GIGYF2: variants seen among roughly 807,000 people sequenced by gnomAD.
GIGYF2 encodes GRB10 interacting GYF protein 2, also known as GRB10-interacting GYF protein 2.
A neutral mutation model predicts 208.1 loss-of-function variants in GIGYF2; 25 were observed. That is an observed-to-expected ratio of 0.12 (90% CI 0.09 to 0.17). GIGYF2 has a LOEUF of 0.17. Among genes scored for constraint, GIGYF2 ranks in the 10% least tolerant of loss-of-function variants. The pLI is 1.00. For synonymous variants in GIGYF2, 534 were observed against 543.8 expected (o/e 0.98, Z 0.25); for missense variants, 1,302 against 1,579.4 (o/e 0.82, Z 2.98).
At position 232,708,753 on chromosome 2, in the gene GIGYF2, C is replaced by G. The variant is rs904618145; in HGVS notation, c.-44+5264C>G. On this transcript the variant is annotated intron_variant, in intron 2 of 28. Coordinates refer to ENST00000373563, the MANE Select transcript of GIGYF2 (RefSeq NM_001103146.3). Reference sequence around the variant, plus strand: ...ACTACAGCCTCACTGCAGCCTCTGCCTCCCAGGCTCAAGTGATCCTCCCAT... The same window carrying G: ...ACTACAGCCTCACTGCAGCCTCTGCGTCCCAGGCTCAAGTGATCCTCCCAT... Among the ~76,000 whole-genome samples, 11 of 151,404 alleles carry G rather than the reference C, an allele frequency of 7.3e-5. 1 individual carries two copies. The highest frequency in any genetic ancestry group is 1.0e-4 in the Non-Finnish European group (7 of 67,948).
intron 8 of GIGYF2, among the ~76,000 whole-genome samples, chr2:232,777,741 A>G (rs1232411587): frequency 6.6e-6 from 1 of 152,026 alleles, no homozygotes; most frequent in African/African-American, 2.4e-5. Context: ...AAGGTAAAGT[A>G]TAAAGAAGGA....
intron 5 of GIGYF2, 79 bp from the exon 6 acceptor site, chr2:232,756,144 C>G (rs891657172): frequency 1.3e-6 from 1 of 790,630 alleles, no homozygotes; most frequent in African/African-American, 1.8e-5. Flanking sequence ...GGAGAAGCAA[C>G]ATGTAGTTTT....
intron 21 of GIGYF2, among the ~76,000 whole-genome samples, chr2:232,823,832 C>T (rs35491427): frequency 0.28 from 42,488 of 152,160 alleles, 6,668 homozygotes; most frequent in Non-Finnish European, 0.36. Flanking sequence ...GTGCTTTGCA[C>T]GTATTTCATT....
intron 2 of GIGYF2, among the ~76,000 whole-genome samples, chr2:232,727,678 C>A (rs1697266636): frequency 6.6e-6 from 1 of 152,152 alleles, no homozygotes; most frequent in Non-Finnish European, 1.5e-5. Context: ...TCTCTTTCTT[C>A]CTGTATCAGC....
chr2:232,755,864 C>T (rs184311206), intron 5 of GIGYF2, among the ~76,000 whole-genome samples: 163 of 152,276 alleles, frequency 1.1e-3, no homozygotes, highest in Non-Finnish European at 1.8e-3. Flanking sequence ...CCTTTCAAAC[C>T]AGATCTCTTT....
At chr2:232,805,343 TTC>T (rs1700528087) in intron 14 of GIGYF2, among the ~76,000 whole-genome samples, 1 of 152,164 alleles carries the variant, frequency 6.6e-6, no homozygotes, top group South Asian at 2.1e-4. Context: ...TTTTTTTCAG[TTC>T]TGTCAGATCC....
intron 2 of GIGYF2, among the ~76,000 whole-genome samples, chr2:232,706,955 A>G (rs1696144530): frequency 6.6e-6 from 1 of 151,610 alleles, no homozygotes; most frequent in Admixed American, 6.6e-5. Context: ...CAAAAAAAAA[A>G]AAAAAAAAAA....
chr2:232,813,187 C>CT (rs894736273), intron 18 of GIGYF2, among the ~76,000 whole-genome samples: 7,660 of 123,870 alleles, frequency 0.062, 394 homozygotes, highest in African/African-American at 0.13. Flanking sequence ...TCTTTGCTTT[C>CT]TTTTTTTTTT....
chr2:232,734,109 CTTTTTTT>C (rs35593823), intron 2 of GIGYF2, among the ~76,000 whole-genome samples: 3 of 122,470 alleles, frequency 2.4e-5, no homozygotes, highest in Admixed American at 8.4e-5. Context: ...TATTTTAAAA[CTTTTTTT>C]TTTTTTTTTT....
intron 12 of GIGYF2, 65 bp downstream of exon 12, chr2:232,791,511 GT>G: frequency 7.2e-7 from 1 of 1,395,614 alleles, no homozygotes; most frequent in Non-Finnish European, 1.0e-6. Context: ...TCACTGATAA[GT>G]TAGGCTTCTG....
intron 5 of GIGYF2, among the ~76,000 whole-genome samples, chr2:232,750,480 CG>C (rs576847149): frequency 1.2e-3 from 188 of 152,204 alleles, no homozygotes; most frequent in Non-Finnish European, 2.3e-3. Context: ...ATATATTTTC[CG>C]CCTTTTAATA....
At chr2:232,761,862 T>A (rs1698750667) in intron 8 of GIGYF2, among the ~76,000 whole-genome samples, 1 of 151,020 alleles carries the variant, frequency 6.6e-6, no homozygotes, top group Non-Finnish European at 1.5e-5. Context: ...TTTTTTTTCT[T>A]GTTTTGTGAT....
chr2:232,783,627 ATTAT>A (rs1370676662), intron 8 of GIGYF2, among the ~76,000 whole-genome samples: 1 of 151,236 alleles, frequency 6.6e-6, no homozygotes, highest in Non-Finnish European at 1.5e-5. Flanking sequence ...TTACTAAGTG[ATTAT>A]TTACACAAAA....
chr2:232,851,829 G>A (rs1246422751), intron 28 of GIGYF2, among the ~76,000 whole-genome samples: 1 of 152,178 alleles, frequency 6.6e-6, no homozygotes, highest in Non-Finnish European at 1.5e-5. Flanking sequence ...CCTGTCAGGA[G>A]GGCAGAACAG....
At chr2:232,706,945 CAA>C (rs10612508) in intron 2 of GIGYF2, among the ~76,000 whole-genome samples, 69,376 of 110,264 alleles carry the variant, frequency 0.63, 20,343 homozygotes, top group South Asian at 0.84. Flanking sequence ...GACCTTGTCT[CAA>C]AAAAAAAAAA....
chr2:232,837,519 A>G (rs1278076492), intron 22 of GIGYF2, among the ~76,000 whole-genome samples: 1 of 152,090 alleles, frequency 6.6e-6, no homozygotes, highest in Non-Finnish European at 1.5e-5. Flanking sequence ...CAGTGACACG[A>G]TCTCAGCTCA....
intron 21 of GIGYF2, among the ~76,000 whole-genome samples, chr2:232,825,654 A>G (rs914276611): frequency 1.2e-4 from 19 of 152,174 alleles, no homozygotes; most frequent in African/African-American, 4.6e-4. Context: ...TGAAATGACA[A>G]CAAAGGATTA....
At chr2:232,840,990 C>T (rs1282219142) in intron 23 of GIGYF2, among the ~76,000 whole-genome samples, 1 of 151,674 alleles carries the variant, frequency 6.6e-6, no homozygotes, top group East Asian at 1.9e-4. Flanking sequence ...ATGTGTTTAC[C>T]AGGTAGTGTG....
At chr2:232,768,728 A>G in intron 8 of GIGYF2, 8 of 1,602,342 alleles carry the variant, frequency 5.0e-6, no homozygotes, top group Non-Finnish European at 6.8e-6. Flanking sequence ...TAGGTTTGCC[A>G]TCCATGTGAG....
Sources: gnomAD v4.1 joint callset for allele counts (sites outside exome capture counted in the v4.1 genomes callset) on GRCh38, gnomAD v4.1.1 for gene constraint, MANE v1.5 for transcripts, NCBI Gene and HGNC (gene_info 2026-07-23, HGNC 2026-07-21) for gene names.